Variants in CNOT7 observed in about 807,000 individuals in gnomAD.
CNOT7 encodes BTG1-binding factor 1.
CNOT7 carries 4 observed loss-of-function variants against 37.1 expected under a neutral mutation model. The ratio of observed to expected loss-of-function variants is 0.11; its 90% CI spans 0.05 to 0.25. CNOT7 has a LOEUF of 0.25. CNOT7 is among the 10% of genes least tolerant of loss of function. CNOT7 has a pLI of 1.00. For missense variants in CNOT7, 170 were observed against 336.2 expected (o/e 0.51, Z 3.87); for synonymous variants, 128 against 115.6 (o/e 1.11, Z -0.69).
At chr8:17,233,160 G>C (rs1262662997) in intron 5 of CNOT7, among the ~76,000 whole-genome samples, 1 of 152,036 alleles carries the variant, frequency 6.6e-6, no homozygotes, top group Non-Finnish European at 1.5e-5. Context: ...GAGAAAGACA[G>C]TAACAGAAGG....
At chr8:17,246,308 C>A (rs1177137617) in intron 1 of CNOT7, 2 of 152,294 alleles carry the variant, frequency 1.3e-5, no homozygotes, top group African/African-American at 4.8e-5. Context: ...ATAGATAACT[C>A]TCTTCCCTGG....
In CNOT7 at chr8:17,245,353, T is replaced by C. The variant is rs571744884; in HGVS notation, c.-95-106A>G. ...AAGTTATTTATTCAAAGTTCTTGACTCATAAAAAAAAAAAATCAAAGTTTA... is the reference window on the plus strand; with the variant it reads ...AAGTTATTTATTCAAAGTTCTTGACCCATAAAAAAAAAAAATCAAAGTTTA... On this transcript the variant is annotated intron_variant, in intron 1 of 6. Coordinates refer to ENST00000361272, the MANE Select transcript of CNOT7 (RefSeq NM_013354.7). 60 of 479,280 alleles carry C rather than the reference T, an allele frequency of 1.3e-4. 1 individual carries two copies. The Middle Eastern group carries it at 2.3e-3, about 19-fold the overall frequency. The allele number at this position is 479,280 out of a possible 1,614,324, so 29.7% of individuals were successfully genotyped here. A position where few individuals can be genotyped will look rare whatever the true frequency, so the allele number is the denominator to read the frequency against.
chr8:17,231,105 A>G (rs1022491152), intron 6 of CNOT7, among the ~76,000 whole-genome samples: 3 of 152,184 alleles, frequency 2.0e-5, no homozygotes, highest in African/African-American at 4.8e-5. Context: ...GACCATTTTT[A>G]TAAGAATTTT....
At chr8:17,241,221 G>C (rs1164375891) in intron 3 of CNOT7, 1 of 151,152 alleles carries the variant, frequency 6.6e-6, no homozygotes, top group Non-Finnish European at 1.5e-5. Flanking sequence ...ACCTGTACCT[G>C]TACCTGTAGT....
At chr8:17,238,576 T>C (rs1191355491) in intron 3 of CNOT7, among the ~76,000 whole-genome samples, 7 of 151,694 alleles carry the variant, frequency 4.6e-5, no homozygotes, top group African/African-American at 7.3e-5. Context: ...CTCAAAAAAT[T>C]AGAATCTCAT....
At position 17,227,210 on chromosome 8, in the gene CNOT7, C is replaced by G. The variant is rs1808219193; in HGVS notation, c.*3510G>C. On this transcript the variant is annotated 3_prime_UTR_variant, in exon 7 of 7. Coordinates refer to ENST00000361272, the MANE Select transcript of CNOT7 (RefSeq NM_013354.7). ...GACCAAATAAACTTTTTTTCTGCTT[C>G]ATGCATTTTTCCCAGCATCGGTTGC... 6.6e-6 allele frequency: 1 copy of G among 151,860 alleles called. No individual in the cohort carries two copies. Among genetic ancestry groups the G allele is most frequent in the South Asian group, 2.1e-4 (1 of 4,830 alleles). The allele number at this position is 151,860 out of a possible 1,614,324, so 9.4% of individuals were successfully genotyped here.
chr8:17,237,823 G>A (rs949033322), intron 3 of CNOT7, among the ~76,000 whole-genome samples: 4 of 152,210 alleles, frequency 2.6e-5, no homozygotes, highest in Admixed American at 6.5e-5. Flanking sequence ...AGCAGCACCA[G>A]TAAGGAGACC....
chr8:17,231,022 C>T (rs1034981532), intron 6 of CNOT7, among the ~76,000 whole-genome samples, 174 bp from the exon 7 acceptor site: 4 of 151,910 alleles, frequency 2.6e-5, no homozygotes, highest in Non-Finnish European at 4.4e-5. Context: ...CTAATGTCCT[C>T]AAAAGTACAG....
chr8:17,237,100 C>A (rs1204609964), intron 4 of CNOT7, 112 bp downstream of exon 4: 5 of 990,620 alleles, frequency 5.0e-6, no homozygotes, highest in Non-Finnish European at 7.7e-6. Context: ...CTCTATATGG[C>A]AGTCAACTCT....
chr8:17,231,709 G>A, intron 6 of CNOT7: 1 of 985,322 alleles, frequency 1.0e-6, no homozygotes, highest in South Asian at 4.7e-5. Context: ...CTATAGCTAG[G>A]TGTATCTGTG....
intron 2 of CNOT7, chr8:17,243,617 A>G: frequency 2.2e-6 from 1 of 457,402 alleles, no homozygotes; most frequent in South Asian, 1.5e-5. Flanking sequence ...TCTCAACACC[A>G]AAACCCTAAG....
In CNOT7 at chr8:17,230,530, G is replaced by GTT. The variant is rs71543685; in HGVS notation, c.*188_*189dup. On this transcript the variant is annotated 3_prime_UTR_variant, in exon 7 of 7. Coordinates refer to ENST00000361272, the MANE Select transcript of CNOT7 (RefSeq NM_013354.7). ...TTAAGGCCAAATTTAACCTGAATGC[G>GTT]TTTTTTTTTTTCTTTTTATTAAGAT... 9.1e-4 allele frequency: 300 copies of GTT among 329,612 alleles called. No homozygotes were observed. The highest frequency in any genetic ancestry group is 2.6e-3 in the Middle Eastern group (3 of 1,164). The allele number at this position is 329,612 out of a possible 1,614,324, so 20.4% of individuals were successfully genotyped here. A position where few individuals can be genotyped will look rare whatever the true frequency, so the allele number is the denominator to read the frequency against.
At chr8:17,246,231 T>C (rs1275434881) in intron 1 of CNOT7, 1 of 152,204 alleles carries the variant, frequency 6.6e-6, no homozygotes, top group Non-Finnish European at 1.5e-5. Flanking sequence ...TTCTCATTAC[T>C]GGAGAAAGCA....
Position 17,243,034 on chromosome 8 carries a change from G to A in CNOT7, c.269C>T (p.Pro90Leu), listed in dbSNP as rs1406070868. 3.1e-6 allele frequency: 5 copies of A among 1,603,574 alleles called. No homozygotes were observed. The highest frequency in any genetic ancestry group is 4.3e-6 in the Non-Finnish European group (5 of 1,176,392). Residue 90 changes from proline to leucine, a missense_variant, in exon 3 of 7, where the codon CCA (proline) becomes CTA (leucine). Pro to Leu is a moderately conservative substitution (Grantham distance 98). Coordinates refer to ENST00000361272, the MANE Select transcript of CNOT7 (RefSeq NM_013354.7). Reference sequence around the variant, plus strand: ...ATTAAACTGCCAAGTTGAAGTTCCTGGAGGGTATTCTCCTTGCTCATTCAT... The same window carrying A: ...ATTAAACTGCCAAGTTGAAGTTCCTAGAGGGTATTCTCCTTGCTCATTCAT... ...TFMNEQGEYPPGTSTWQFNFK... is the reference protein window; with the variant it reads ...TFMNEQGEYPLGTSTWQFNFK...
Position 17,245,023 on chromosome 8 carries a change from C to A in CNOT7, c.117+13G>T, listed in dbSNP as rs1468070799. 6.2e-7 allele frequency: 1 copy of A among 1,600,576 alleles called. No homozygotes were observed. The highest frequency in any genetic ancestry group is 2.2e-5 in the East Asian group (1 of 44,736). The stretch of plus-strand genomic sequence containing the variant: ...TTATATGAAGCGTTTTAAAGATCTG[C>A]TTGTGGGCATACCATAGCAACGTAA... On this transcript the variant is annotated intron_variant, in intron 2 of 6. Transcript: ENST00000361272.
intron 6 of CNOT7, 77 bp from the exon 7 acceptor site, chr8:17,230,925 G>A (rs1314108472): frequency 4.8e-6 from 5 of 1,047,720 alleles, no homozygotes; most frequent in Non-Finnish European, 7.0e-6. Flanking sequence ...TTTCAGCAAT[G>A]TAAGTACTGA....
Position 17,230,655 on chromosome 8 carries a change from C to T in CNOT7, c.*65G>A. On this transcript the variant is annotated 3_prime_UTR_variant, in exon 7 of 7. Coordinates refer to ENST00000361272, the MANE Select transcript of CNOT7 (RefSeq NM_013354.7). ...CTGTCTATTGTTCGAGGGATTCAAC[C>T]AGAGATAAAACCTATATACAAGCAT... is the stretch of plus-strand genomic sequence containing the variant. 7.1e-7 allele frequency: 1 copy of T among 1,407,932 alleles called. No individual in the cohort carries two copies. The highest frequency in any genetic ancestry group is 2.4e-5 in the East Asian group (1 of 41,286). 87.2% of individuals were successfully genotyped at this position (1,407,932 alleles called of 1,614,324 possible).
chr8:17,240,718 C>A (rs1280948950), intron 3 of CNOT7, among the ~76,000 whole-genome samples: 1 of 152,050 alleles, frequency 6.6e-6, no homozygotes, highest in Non-Finnish European at 1.5e-5. Flanking sequence ...TAACATGGAA[C>A]AAATGAAATG....
chr8:17,236,400 G>C (rs1809365698), intron 4 of CNOT7, among the ~76,000 whole-genome samples: 1 of 152,282 alleles, frequency 6.6e-6, no homozygotes, highest in East Asian at 1.9e-4. Context: ...AGTTTACTTA[G>C]ATGGGAAAAC....
Sources: allele counts gnomAD v4.1 joint callset (sites outside exome capture counted in the v4.1 genomes callset), GRCh38; gene constraint gnomAD v4.1.1; transcripts MANE v1.5; gene names NCBI Gene and HGNC (gene_info 2026-07-23, HGNC 2026-07-21).